GRID1: variants seen among roughly 807,000 people sequenced by gnomAD.
GRID1 encodes glutamate receptor ionotropic, delta-1.
In GRID1, 28 loss-of-function variants were observed where a neutral mutation model predicts 98.0. That is an observed-to-expected ratio of 0.29 (90% CI 0.21 to 0.39). The LOEUF is 0.39. Ranked by LOEUF, GRID1 falls within the 10% of genes least tolerant of loss-of-function variation. The pLI, the probability that GRID1 is intolerant of heterozygous loss-of-function variation, is 1.00. For synonymous variants in GRID1, 553 were observed against 538.5 expected (o/e 1.03, Z -0.37); for missense variants, 1,111 against 1,340.5 (o/e 0.83, Z 2.67).
At position 86,345,168 on chromosome 10, in the gene GRID1, G is replaced by C. The variant is rs117751001; in HGVS notation, c.235+18773C>G. ...CCTTCATCTCAGATGTCTGACATGA[G>C]ACATCTTCATCTTCATGTCTGCATG... is the stretch of plus-strand genomic sequence containing the variant. On this transcript the variant is annotated intron_variant, in intron 2 of 15. Coordinates refer to ENST00000327946, the MANE Select transcript of GRID1 (RefSeq NM_017551.3). Among the ~76,000 whole-genome samples, 3 of 152,326 alleles carry C rather than the reference G, an allele frequency of 2.0e-5. No individual in the cohort carries two copies. The East Asian group carries it at 5.8e-4, about 29-fold the overall frequency.
chr10:85,971,731 T>C (rs1716501207), intron 4 of GRID1, among the ~76,000 whole-genome samples: 1 of 152,134 alleles, frequency 6.6e-6, no homozygotes, highest in Admixed American at 6.5e-5. Flanking sequence ...GAAACTTTCA[T>C]ACAGTTCAGG....
intron 13 of GRID1, chr10:85,646,872 T>A: frequency 3.0e-6 from 1 of 335,664 alleles, no homozygotes; most frequent in Non-Finnish European, 5.7e-6. Context: ...CTTGGCACTC[T>A]GCTACTGCTT....
At chr10:85,796,748 C>G (rs1191451497) in intron 8 of GRID1, among the ~76,000 whole-genome samples, 1 of 150,822 alleles carries the variant, frequency 6.6e-6, no homozygotes, top group Non-Finnish European at 1.5e-5. Flanking sequence ...TGACATCAGA[C>G]TTTTCAAGAG....
intron 4 of GRID1, among the ~76,000 whole-genome samples, chr10:86,028,746 G>T (rs1843148379): frequency 6.6e-6 from 1 of 152,000 alleles, no homozygotes; most frequent in Non-Finnish European, 1.5e-5. Flanking sequence ...GGGACTCTGG[G>T]AAAGGGCCAT....
intron 4 of GRID1, among the ~76,000 whole-genome samples, chr10:86,108,193 T>C (rs990037288): frequency 1.3e-5 from 2 of 152,184 alleles, no homozygotes; most frequent in Non-Finnish European, 2.9e-5. Context: ...CCCTAGAGGT[T>C]TGAGCAGCGG....
intron 12 of GRID1, among the ~76,000 whole-genome samples, chr10:85,678,848 G>A (rs767853327): frequency 2.0e-5 from 3 of 151,986 alleles, no homozygotes; most frequent in Non-Finnish European, 2.9e-5. Context: ...CTGCAACTTT[G>A]GTTTGTACTC....
In GRID1 at chr10:86,235,154, C is replaced by A. The variant is rs1056717216; in HGVS notation, c.236-28506G>T. On this transcript the variant is annotated intron_variant, in intron 2 of 15. Transcript: ENST00000327946. ...CATATGCCCTCCTCAAATATTCAGG[C>A]CCTGGAGAAGGCCCAGTCCCAACCT... Among the ~76,000 whole-genome samples, 14 of 152,356 alleles carry A rather than the reference C, an allele frequency of 9.2e-5. No homozygotes were observed. In the East Asian group the frequency reaches 2.7e-3, roughly 29 times the overall value.
At chr10:86,095,681 A>G (rs1290835730) in intron 4 of GRID1, among the ~76,000 whole-genome samples, 2 of 152,196 alleles carry the variant, frequency 1.3e-5, no homozygotes, top group African/African-American at 4.8e-5. Context: ...TCCTGCAAGA[A>G]TGGTCATAAT....
chr10:86,170,431 A>C, intron 3 of GRID1, among the ~76,000 whole-genome samples: 1 of 152,252 alleles, frequency 6.6e-6, no homozygotes, highest in African/African-American at 2.4e-5. Context: ...TAATGGCCCT[A>C]GCACAGTGCC....
At chr10:86,244,128 G>A (rs373861401) in intron 2 of GRID1, among the ~76,000 whole-genome samples, 171 of 152,322 alleles carry the variant, frequency 1.1e-3, no homozygotes, top group African/African-American at 4.0e-3. Context: ...AGGGCTGATA[G>A]TGGGACCTGG....
chr10:85,628,644 A>G (rs1842938527), intron 13 of GRID1, among the ~76,000 whole-genome samples: 1 of 152,124 alleles, frequency 6.6e-6, no homozygotes, highest in Admixed American at 6.5e-5. Flanking sequence ...TTGTCAGGAA[A>G]CCTGCTACCC....
intron 4 of GRID1, among the ~76,000 whole-genome samples, chr10:86,011,263 A>T (rs1842920832): frequency 6.6e-6 from 1 of 152,226 alleles, no homozygotes; most frequent in South Asian, 2.1e-4. Flanking sequence ...CTAAATTAGC[A>T]CATGTGATCA....
chr10:85,787,902 C>T (rs1200173673), intron 8 of GRID1, among the ~76,000 whole-genome samples: 2 of 152,108 alleles, frequency 1.3e-5, no homozygotes, highest in Non-Finnish European at 2.9e-5. Context: ...AGAAGGTCCC[C>T]AGTGGCTCAC....
In GRID1 at chr10:86,132,103, TG is replaced by T. The variant is rs199513549; in HGVS notation, c.726+6715del. On this transcript the variant is annotated intron_variant, in intron 4 of 15. Coordinates refer to ENST00000327946, the MANE Select transcript of GRID1 (RefSeq NM_017551.3). ...TCTGAGGGATGTGACAGTGCTGTCA[TG>T]GAGAGGGGACAGTGGACTAGGATGC... is the stretch of plus-strand genomic sequence containing the variant. Among the ~76,000 whole-genome samples, 126 of 152,032 alleles carry T rather than the reference TG, an allele frequency of 8.3e-4. 2 individuals carry two copies. The East Asian group carries it at 0.015, about 18-fold the overall frequency.
chr10:85,621,283 G>A (rs1842856878), intron 13 of GRID1, among the ~76,000 whole-genome samples: 1 of 152,098 alleles, frequency 6.6e-6, no homozygotes, highest in African/African-American at 2.4e-5. Context: ...TGGGCTTAGT[G>A]ACAGCACTGA....
intron 8 of GRID1, among the ~76,000 whole-genome samples, chr10:85,779,113 C>A (rs1284408501): frequency 6.6e-6 from 1 of 152,162 alleles, no homozygotes; most frequent in African/African-American, 2.4e-5. Context: ...TTCATGCAAC[C>A]AAGCTGCTGT....
intron 4 of GRID1, among the ~76,000 whole-genome samples, chr10:86,057,800 C>G (rs527652668): frequency 7.4e-4 from 113 of 152,328 alleles, no homozygotes; most frequent in African/African-American, 2.6e-3. Context: ...TGACTTTATT[C>G]TCCTGGCCAT....
chr10:85,891,514 C>T (rs931902814), intron 5 of GRID1, among the ~76,000 whole-genome samples: 5 of 152,058 alleles, frequency 3.3e-5, no homozygotes, highest in Admixed American at 2.6e-4. Context: ...TCATGTTAAA[C>T]AACTAAAAAC....
intron 3 of GRID1, among the ~76,000 whole-genome samples, chr10:86,181,268 G>A (rs1845651518): frequency 1.3e-5 from 2 of 152,210 alleles, no homozygotes; most frequent in South Asian, 4.1e-4. Flanking sequence ...CAGGCTGGCG[G>A]TGCAGGGCTG....
Sources: allele counts gnomAD v4.1 joint callset (sites outside exome capture counted in the v4.1 genomes callset), GRCh38; gene constraint gnomAD v4.1.1; transcripts MANE v1.5; gene names NCBI Gene and HGNC (gene_info 2026-07-23, HGNC 2026-07-21).